Variants in GAB2 observed in about 807,000 individuals in gnomAD.
GAB2 encodes GRB2-associated-binding protein 2.
Under a neutral mutation model 65.5 loss-of-function variants are expected in GAB2, and 26 were observed. The observed-to-expected ratio is 0.40, with a 90% CI of 0.29 to 0.55. The LOEUF (loss-of-function observed/expected upper bound fraction) is 0.55, where lower values mean the gene tolerates loss of function less well. Among genes scored for constraint, GAB2 ranks in the 20% least tolerant of loss-of-function variants. The pLI is 0.53. For synonymous variants in GAB2, 321 were observed against 329.6 expected, an observed-to-expected ratio of 0.97 and a Z score of 0.28; for missense variants, 884 against 875.8, an observed-to-expected ratio of 1.01 and a Z score of -0.12.
chr11:78,381,058 T>C (rs369203800), intron 1 of GAB2, among the ~76,000 whole-genome samples: 1 of 152,158 alleles, frequency 6.6e-6, no homozygotes, highest in Non-Finnish European at 1.5e-5. Context: ...TTAAGCTTTG[T>C]ACTCAAATAG....
intron 1 of GAB2, among the ~76,000 whole-genome samples, chr11:78,327,007 A>G (rs368784980): frequency 1.3e-5 from 2 of 152,212 alleles, no homozygotes; most frequent in African/African-American, 4.8e-5. Flanking sequence ...GATCCCATTT[A>G]TGCTCTTTAA....
chr11:78,244,086 T>C (rs1865221781), intron 3 of GAB2, among the ~76,000 whole-genome samples: 1 of 151,192 alleles, frequency 6.6e-6, no homozygotes, highest in African/African-American at 2.4e-5. Flanking sequence ...AAACAAAAAA[T>C]AGACAAATGG....
chr11:78,347,793 A>C (rs146733376), intron 1 of GAB2, among the ~76,000 whole-genome samples: 3 of 152,294 alleles, frequency 2.0e-5, no homozygotes, highest in African/African-American at 4.8e-5. Context: ...TTTGTTCCTC[A>C]AATGATACAA....
intron 1 of GAB2, among the ~76,000 whole-genome samples, chr11:78,366,398 G>A (rs1296950371): frequency 1.3e-5 from 2 of 151,866 alleles, no homozygotes; most frequent in Admixed American, 1.3e-4. Flanking sequence ...TGGCCAACAT[G>A]GCGAAATTAG....
intron 1 of GAB2, among the ~76,000 whole-genome samples, chr11:78,329,417 T>C (rs1412975665): frequency 6.6e-6 from 1 of 152,196 alleles, no homozygotes; most frequent in East Asian, 1.9e-4. Flanking sequence ...GTGTTCCTTT[T>C]AGCATTTATA....
At chr11:78,261,758 G>A (rs1012319858) in intron 2 of GAB2, among the ~76,000 whole-genome samples, 1 of 152,162 alleles carries the variant, frequency 6.6e-6, no homozygotes, top group African/African-American at 2.4e-5. Context: ...TATGCTTTAT[G>A]AGCTTACATG....
At chr11:78,233,927 A>G (rs1235733670) in intron 3 of GAB2, among the ~76,000 whole-genome samples, 1 of 152,118 alleles carries the variant, frequency 6.6e-6, no homozygotes, top group Admixed American at 6.5e-5. Context: ...CTTTTCTTAA[A>G]GAGGCCTCTT....
intron 1 of GAB2, among the ~76,000 whole-genome samples, chr11:78,372,346 G>A (rs958842978): frequency 6.6e-6 from 1 of 152,146 alleles, no homozygotes; most frequent in African/African-American, 2.4e-5. Flanking sequence ...TAGCTCCAAC[G>A]ACAAAGGCAG....
At chr11:78,230,814 TGTG>T in intron 3 of GAB2, among the ~76,000 whole-genome samples, 1 of 152,354 alleles carries the variant, frequency 6.6e-6, no homozygotes, top group South Asian at 2.1e-4. Flanking sequence ...CATGCTAAAA[TGTG>T]GTCCCTTTGG....
At chr11:78,296,290 C>A (rs1209952510) in intron 1 of GAB2, among the ~76,000 whole-genome samples, 1 of 152,196 alleles carries the variant, frequency 6.6e-6, no homozygotes, top group East Asian at 1.9e-4. Context: ...AGATTAGGTT[C>A]CTCTTAGCCT....
At chr11:78,270,750 T>C (rs868763091) in intron 2 of GAB2, among the ~76,000 whole-genome samples, 1 of 152,214 alleles carries the variant, frequency 6.6e-6, no homozygotes, top group Non-Finnish European at 1.5e-5. Flanking sequence ...ATCACTACTA[T>C]TGCTACGACC....
At chr11:78,273,291 C>G (rs1866071708) in intron 2 of GAB2, among the ~76,000 whole-genome samples, 1 of 152,228 alleles carries the variant, frequency 6.6e-6, no homozygotes, top group African/African-American at 2.4e-5. Context: ...AATGCTAGCC[C>G]ATGAAATCAG....
At chr11:78,291,573 T>C (rs1176613904) in intron 1 of GAB2, among the ~76,000 whole-genome samples, 1,397 of 118,288 alleles carry the variant, frequency 0.012, 58 homozygotes, top group African/African-American at 0.033. Context: ...TTTTTTTTTT[T>C]TTTTTTTTTT....
rs1565168194 is a variant in GAB2 at position 78,346,702 on chromosome 11, TA to T, written c.76-65802del. 8.6e-3 allele frequency among the ~76,000 whole-genome samples: 835 copies of T among 96,744 alleles called. 40 individuals carry two copies. Among genetic ancestry groups the T allele is most frequent in the Non-Finnish European group, 0.012 (701 of 56,448 alleles). The allele number at this position is 96,744 out of a possible 152,430, so 63.5% of individuals were successfully genotyped here. A position where few individuals can be genotyped will look rare whatever the true frequency, so the allele number is the denominator to read the frequency against. ...ATATATATATATATATATATATATA[TA>T]TATATATATATATATATAATTTTTT... On this transcript the variant is annotated intron_variant, in intron 1 of 9. Transcript: ENST00000361507.
intron 2 of GAB2, among the ~76,000 whole-genome samples, chr11:78,267,507 C>G (rs1302755912): frequency 6.6e-6 from 1 of 152,050 alleles, no homozygotes; most frequent in Non-Finnish European, 1.5e-5. Context: ...GGAAAACTAC[C>G]ATTTACTAAG....
At chr11:78,252,053 G>T (rs575008093) in intron 2 of GAB2, among the ~76,000 whole-genome samples, 4 of 152,230 alleles carry the variant, frequency 2.6e-5, no homozygotes, top group African/African-American at 7.2e-5. Context: ...CGTTGTGGTG[G>T]TGTTGATTTT....
intron 1 of GAB2, among the ~76,000 whole-genome samples, chr11:78,414,418 A>AGG (rs1489491156): frequency 6.6e-6 from 1 of 152,214 alleles, no homozygotes; most frequent in East Asian, 1.9e-4. Flanking sequence ...GTTAGCCACT[A>AGG]GGGGGTAGTC....
rs532563290 is a variant in GAB2 at position 78,225,664 on chromosome 11, T to C, written c.1208-462A>G. ...TATGACTGCTCAAATTGTCGATGGATTGAAAGACGGCAAAGAGGTCTAAAC... is the reference window on the plus strand; with the variant it reads ...TATGACTGCTCAAATTGTCGATGGACTGAAAGACGGCAAAGAGGTCTAAAC... On this transcript the variant is annotated intron_variant, in intron 4 of 9. Coordinates refer to ENST00000361507, the MANE Select transcript of GAB2 (RefSeq NM_080491.3). 3.5e-4 allele frequency among the ~76,000 whole-genome samples: 54 copies of C among 152,366 alleles called. 1 individual carries two copies. The highest frequency in any genetic ancestry group is 1.2e-3 in the African/African-American group (50 of 41,584).
At chr11:78,365,817 T>C (rs927111649) in intron 1 of GAB2, among the ~76,000 whole-genome samples, 5 of 152,222 alleles carry the variant, frequency 3.3e-5, no homozygotes, top group Non-Finnish European at 7.3e-5. Context: ...CTTTCTCTTC[T>C]TGTTTCAATA....
Sources: gnomAD v4.1 joint callset for allele counts (sites outside exome capture counted in the v4.1 genomes callset) on GRCh38, gnomAD v4.1.1 for gene constraint, MANE v1.5 for transcripts, NCBI Gene and HGNC (gene_info 2026-07-23, HGNC 2026-07-21) for gene names.